The following ARID1B variants were observed in gnomAD, a reference collection of about 807,000 sequenced individuals.
ARID1B encodes the protein AT-rich interactive domain-containing protein 1B.
Under a neutral mutation model 212.3 loss-of-function variants are expected in ARID1B, and 30 were observed. That is an observed-to-expected ratio of 0.14 (90% CI 0.11 to 0.19). The LOEUF is 0.19. Among genes scored for constraint, ARID1B ranks in the 10% least tolerant of loss-of-function variants. ARID1B has a pLI of 1.00. For synonymous variants in ARID1B, 1,402 were observed against 1,301.7 expected (o/e 1.08, Z -1.66); for missense variants, 2,891 against 3,204.0 (o/e 0.90, Z 2.36).
At chr6:157,039,445 C>T (rs1462812195) in intron 4 of ARID1B, among the ~76,000 whole-genome samples, 1 of 150,674 alleles carries the variant, frequency 6.6e-6, no homozygotes, top group Non-Finnish European at 1.5e-5. Flanking sequence ...ATTCTCCTGC[C>T]TCAGCCTCCC....
Position 157,110,502 on chromosome 6 carries a change from G to A in ARID1B, c.2522G>A (p.Ser841Asn), listed in dbSNP as rs778467052. Residue 841 changes from serine to asparagine, a missense_variant, in exon 6 of 20, where the codon AGC (serine) becomes AAC (asparagine). Coordinates refer to ENST00000636930, the MANE Select transcript of ARID1B (RefSeq NM_001374828.1). ...CAGATGCCTCCGCAGCCACCCGGGA[G>A]CCAGTCAGAATCCAGTTCCCATCCC... The part of the protein sequence containing the change: ...GSQMPPQPPG[S>N]QSESSSHPAL... 16 of 1,613,966 alleles carry A rather than the reference G, an allele frequency of 9.9e-6. No homozygotes were observed. Among genetic ancestry groups the A allele is most frequent in the Non-Finnish European group, 1.0e-5 (12 of 1,180,032 alleles).
chr6:156,822,839 A>G (rs948645060), intron 1 of ARID1B, among the ~76,000 whole-genome samples: 4 of 152,120 alleles, frequency 2.6e-5, no homozygotes, highest in Non-Finnish European at 5.9e-5. Flanking sequence ...GTGTGCCGTG[A>G]CCAGGCGGGT....
intron 8 of ARID1B, among the ~76,000 whole-genome samples, chr6:157,163,393 C>A (rs1583432200): frequency 6.6e-6 from 1 of 152,220 alleles, no homozygotes; most frequent in African/African-American, 2.4e-5. Context: ...CCATCCACAG[C>A]CCGCTGTCTC....
intron 3 of ARID1B, among the ~76,000 whole-genome samples, chr6:156,918,433 T>C (rs990829926): frequency 1.3e-5 from 2 of 152,166 alleles, no homozygotes; most frequent in African/African-American, 4.8e-5. Flanking sequence ...CAAGGACATA[T>C]ATAGTTTGTT....
chr6:157,097,354 C>T (rs189819537), intron 5 of ARID1B, among the ~76,000 whole-genome samples: 1 of 152,204 alleles, frequency 6.6e-6, no homozygotes, highest in African/African-American at 2.4e-5. Context: ...TATTTAATTC[C>T]CAAACCCTGT....
chr6:157,032,133 G>T (rs770742328), intron 4 of ARID1B, among the ~76,000 whole-genome samples: 2 of 152,220 alleles, frequency 1.3e-5, no homozygotes, highest in Non-Finnish European at 2.9e-5. Context: ...CAGTGAGGAA[G>T]ACATTTTCCA....
chr6:157,166,755 G>T, intron 8 of ARID1B: 1 of 260,802 alleles, frequency 3.8e-6, no homozygotes, highest in Non-Finnish European at 7.1e-6. Context: ...CCCCTTTCTT[G>T]CTTATATTCC....
chr6:156,780,736 C>T (rs909646338), intron 1 of ARID1B, among the ~76,000 whole-genome samples: 1 of 152,160 alleles, frequency 6.6e-6, no homozygotes, highest in Non-Finnish European at 1.5e-5. Context: ...GGATCAAATA[C>T]AGAAAAACAG....
At chr6:157,006,053 A>T (rs986457944) in intron 4 of ARID1B, among the ~76,000 whole-genome samples, 1 of 151,466 alleles carries the variant, frequency 6.6e-6, no homozygotes, top group Admixed American at 6.6e-5. Flanking sequence ...AACACCCCCC[A>T]TTGAGAGATC....
At chr6:156,863,206 GGC>G (rs1335371976) in intron 2 of ARID1B, among the ~76,000 whole-genome samples, 1 of 152,190 alleles carries the variant, frequency 6.6e-6, no homozygotes, top group African/African-American at 2.4e-5. Context: ...TCTGAGTCTA[GGC>G]ACACAAAGAC....
At chr6:157,197,587 A>G (rs528385394) in intron 16 of ARID1B, among the ~76,000 whole-genome samples, 4 of 152,352 alleles carry the variant, frequency 2.6e-5, no homozygotes, top group African/African-American at 9.6e-5. Context: ...ACCCGGCCAT[A>G]ATACGGCCAA....
chr6:156,851,995 G>C (rs1489475175), intron 2 of ARID1B, among the ~76,000 whole-genome samples: 1 of 152,142 alleles, frequency 6.6e-6, no homozygotes, highest in African/African-American at 2.4e-5. Flanking sequence ...ACAAATACTT[G>C]TTACTTACAT....
chr6:157,140,704 C>G, intron 7 of ARID1B: 1 of 398,672 alleles, frequency 2.5e-6, no homozygotes, highest in Non-Finnish European at 4.4e-6. Context: ...GGAGGCCTTT[C>G]TTCTTCACTT....
intron 1 of ARID1B, among the ~76,000 whole-genome samples, chr6:156,810,052 G>C (rs1159986106): frequency 6.6e-6 from 1 of 152,186 alleles, no homozygotes; most frequent in African/African-American, 2.4e-5. Context: ...TGTGACCTCT[G>C]CTGCTTTACA....
intron 4 of ARID1B, among the ~76,000 whole-genome samples, chr6:157,051,167 G>C (rs549857822): frequency 1.3e-5 from 2 of 152,316 alleles, no homozygotes; most frequent in African/African-American, 4.8e-5. Context: ...AAAGATGAGC[G>C]GGGGACGCAA....
At chr6:157,057,311 T>C (rs1783029649) in intron 4 of ARID1B, among the ~76,000 whole-genome samples, 1 of 152,214 alleles carries the variant, frequency 6.6e-6, no homozygotes. Context: ...TAAATAATTA[T>C]ATATTTTTCT....
chr6:156,839,763 AAGCACAC>A (rs1783765161), intron 2 of ARID1B, among the ~76,000 whole-genome samples: 1 of 152,216 alleles, frequency 6.6e-6, no homozygotes, highest in African/African-American at 2.4e-5. Flanking sequence ...TGAGAGTGAT[AAGCACAC>A]AGTGGAGAGT....
chr6:157,190,185 G>GGAC lies in ARID1B; in HGVS notation c.4207_4209dup (p.Asp1403dup). 1 of 1,613,412 alleles carries GGAC rather than the reference G, an allele frequency of 6.2e-7. No individual in the cohort carries two copies. Among genetic ancestry groups the GGAC allele is most frequent in the Admixed American group, 1.7e-5 (1 of 59,970 alleles). ...GCAGGATGCCCTATGAGCCCAACAA[G>GGAC]GACCCCTTTGGGGGAATGAGAAAAG... On this transcript the variant is annotated inframe_insertion, in exon 15 of 20. Transcript: ENST00000636930. This position sits in a 1 kb window ranked among gnomAD's most constrained non-coding sequence, Gnocchi z 4.6.
At chr6:156,950,122 G>T (rs1431355266) in intron 4 of ARID1B, among the ~76,000 whole-genome samples, 2 of 152,240 alleles carry the variant, frequency 1.3e-5, no homozygotes, top group Non-Finnish European at 2.9e-5. Flanking sequence ...CATAGTGGCT[G>T]CAGTGATTGG....
Sources: allele counts gnomAD v4.1 joint callset (sites outside exome capture counted in the v4.1 genomes callset), GRCh38; gene constraint gnomAD v4.1.1; non-coding constraint Gnocchi (gnomAD v3.1); transcripts MANE v1.5; gene names NCBI Gene and HGNC (gene_info 2026-07-23, HGNC 2026-07-21).